The following PPFIA4 variants were observed in gnomAD, a reference collection of about 807,000 sequenced individuals.
PPFIA4 encodes PPFI scaffold protein A4, also known as liprin-alpha-4.
In PPFIA4, 98 loss-of-function variants were observed where a neutral mutation model predicts 145.7. The observed-to-expected ratio is 0.67, with a 90% CI of 0.57 to 0.80. The LOEUF (loss-of-function observed/expected upper bound fraction) is 0.80. Among genes scored for constraint, PPFIA4 ranks in the 30% least tolerant of loss-of-function variants. The pLI, the probability that PPFIA4 is intolerant of heterozygous loss-of-function variation, is 0.00. For missense variants in PPFIA4, 1,457 were observed against 1,632.7 expected (o/e 0.89, Z 1.85); for synonymous variants, 628 against 649.6 (o/e 0.97, Z 0.51).
At chr1:203,049,621 T>G in intron 12 of PPFIA4, 55 bp from the exon 13 acceptor site, 2 of 1,076,146 alleles carry the variant, frequency 1.9e-6, no homozygotes, top group Non-Finnish European at 2.6e-6. Context: ...CCACCCTCCC[T>G]CTCTGCCCCT....
Position 203,033,476 on chromosome 1 carries a change from G to A in PPFIA4, c.-399-5134G>A, listed in dbSNP as rs1019647106. 4.6e-5 allele frequency among the ~76,000 whole-genome samples: 7 copies of A among 152,304 alleles called. No homozygotes were observed. The East Asian group carries it at 1.4e-3, about 29-fold the overall frequency. ...TCATGAACACTTACCGAGTTTTGCT[G>A]GGTGCTGATCTCAGCACTTTGTGTA... On this transcript the variant is annotated intron_variant, in intron 1 of 29. Transcript: ENST00000295706.
chr1:203,044,712 A>G lies in PPFIA4; in HGVS notation c.593A>G (p.Gln198Arg), dbSNP rs773614468. ...GCCCTACAGGTGTCTGCCCTGCAGCAGGGGGCAGGGGTGCGGGATGGAGCG... is the reference window on the plus strand; with the variant it reads ...GCCCTACAGGTGTCTGCCCTGCAGCGGGGGGCAGGGGTGCGGGATGGAGCG... Reference protein sequence around the residue: ...GAHQQVSALQQGAGVRDGAAE... With the variant: ...GAHQQVSALQRGAGVRDGAAE... Residue 198 changes from glutamine to arginine, a missense_variant, in exon 6 of 30, where the codon CAG becomes CGG. Gln to Arg is a conservative substitution (Grantham distance 43). Around this residue, in one of 3 missense-constraint regions of PPFIA4, gnomAD observed 463 missense variants for 459.8 expected, o/e 1.01. Coordinates refer to ENST00000295706, the MANE Select transcript of PPFIA4 (RefSeq NM_001304331.2). 2 of 1,558,068 alleles carry G rather than the reference A, an allele frequency of 1.3e-6. No homozygotes were observed. Among genetic ancestry groups the G allele is most frequent in the Non-Finnish European group, 1.7e-6 (2 of 1,151,242 alleles).
chr1:203,061,722 G>T, intron 24 of PPFIA4, 44 bp downstream of exon 24: 1 of 1,540,886 alleles, frequency 6.5e-7, no homozygotes, highest in South Asian at 1.2e-5. Context: ...CAAAACTTCA[G>T]GACAGTGTTC....
intron 25 of PPFIA4, 144 bp from the exon 26 acceptor site, chr1:203,067,551 G>A (rs1254406327): frequency 7.4e-6 from 5 of 679,306 alleles, no homozygotes; most frequent in Non-Finnish European, 1.3e-5. Context: ...AGGCCCTGGG[G>A]AAGGAGGAGC....
intron 19 of PPFIA4, among the ~76,000 whole-genome samples, chr1:203,058,107 C>T (rs559223785): frequency 4.6e-5 from 7 of 152,222 alleles, no homozygotes; most frequent in Non-Finnish European, 1.0e-4. Context: ...GGGAGGAACT[C>T]ATCAACTAGA....
At chr1:203,050,133 T>A (rs1427935201) in intron 13 of PPFIA4, among the ~76,000 whole-genome samples, 4 of 152,122 alleles carry the variant, frequency 2.6e-5, no homozygotes, top group African/African-American at 9.7e-5. Flanking sequence ...AGCCATTCAC[T>A]CCAGTTCTCT....
chr1:203,041,131 C>T (rs1427314196), intron 2 of PPFIA4, among the ~76,000 whole-genome samples: 3 of 152,188 alleles, frequency 2.0e-5, no homozygotes, highest in Non-Finnish European at 4.4e-5. Flanking sequence ...ATTATGATTT[C>T]ATCGGGTGGT....
chr1:203,055,969 T>C lies in PPFIA4; in HGVS notation c.2071-151T>C. ...CCCTGGCTTGTTTTTCTAGGCCAGC[T>C]TTTTTTTTTTTTTCTGGCGTGATAT... On this transcript the variant is annotated intron_variant, in intron 16 of 29. Coordinates refer to ENST00000295706, the MANE Select transcript of PPFIA4 (RefSeq NM_001304331.2). This position sits in a 1 kb window ranked among gnomAD's most constrained non-coding sequence, Gnocchi z 4.8. 2.3e-5 allele frequency: 4 copies of C among 175,628 alleles called. No homozygotes were observed. Among genetic ancestry groups the C allele is most frequent in the Non-Finnish European group, 2.1e-5 (2 of 97,046 alleles). 10.9% of individuals were successfully genotyped at this position (175,628 alleles called of 1,614,324 possible).
chr1:203,076,011 G>T, intron 29 of PPFIA4: 1 of 586,072 alleles, frequency 1.7e-6, no homozygotes, highest in Non-Finnish European at 2.9e-6. Context: ...CCACGGTTCG[G>T]ACCTACTCCT....
At chr1:203,046,116 G>A (rs1336843840) in intron 8 of PPFIA4, 129 bp downstream of exon 8, 18 of 1,549,508 alleles carry the variant, frequency 1.2e-5, no homozygotes, top group East Asian at 2.3e-5. Flanking sequence ...GAAGTCAGGC[G>A]TCTCGGGCAG....
At chr1:203,067,474 C>G in intron 25 of PPFIA4, 1 of 510,162 alleles carries the variant, frequency 2.0e-6, no homozygotes, top group South Asian at 2.9e-5. Flanking sequence ...CAGGCCCGCT[C>G]CCTGACTGAG....
intron 1 of PPFIA4, among the ~76,000 whole-genome samples, chr1:203,032,631 A>G (rs1241633434): frequency 1.4e-5 from 2 of 139,504 alleles, no homozygotes; most frequent in Admixed American, 1.5e-4. Flanking sequence ...TTTTTTTTTA[A>G]GAGAGGATGT....
chr1:203,056,521 G>A lies in PPFIA4; in HGVS notation c.2240+13G>A, dbSNP rs374395156. 134 of 1,611,884 alleles carry A rather than the reference G, an allele frequency of 8.3e-5. 1 individual carries two copies. Among genetic ancestry groups the A allele is most frequent in the South Asian group, 6.5e-4 (59 of 90,672 alleles). ...AAGAAGGCAAGAGGTAAGTAGAGCA[G>A]ACCCCACCTCCAGTCTCTCCATCCA... On this transcript the variant is annotated intron_variant, in intron 18 of 29. Coordinates refer to ENST00000295706, the MANE Select transcript of PPFIA4 (RefSeq NM_001304331.2).
chr1:203,028,979 A>G (rs1398886651), intron 1 of PPFIA4, among the ~76,000 whole-genome samples: 2 of 151,982 alleles, frequency 1.3e-5, no homozygotes, highest in African/African-American at 4.8e-5. Flanking sequence ...TCCTTGATGT[A>G]CTGTGGAAGG....
At chr1:203,067,440 C>G in intron 25 of PPFIA4, 1 of 443,718 alleles carries the variant, frequency 2.3e-6, no homozygotes, top group Non-Finnish European at 4.1e-6. Flanking sequence ...ATTCAAAGAA[C>G]TTTTTTTCCC....
Position 203,048,297 on chromosome 1 carries a change from A to C in PPFIA4, c.1211A>C (p.Gln404Pro). The C allele has an allele frequency of 6.2e-7, 1 of 1,612,678 alleles. No homozygotes were observed. Among genetic ancestry groups the C allele is most frequent in the Non-Finnish European group, 8.5e-7 (1 of 1,179,820 alleles). Residue 404 changes from glutamine (Q) to proline (P), a missense_variant, in exon 10 of 30, where the codon CAG (glutamine) becomes CCG (proline). Around this residue, in one of 3 missense-constraint regions of PPFIA4, gnomAD observed 848 missense variants for 1,046.7 expected, o/e 0.81. Transcript: ENST00000295706. The surrounding 1 kb of genome is among the most constrained non-coding windows in gnomAD (Gnocchi z 5.8). ...GAGGGACAGCTGGAGGAGAAGAACC[A>C]GGAGCTGGCACGGGTGAGGGCACCA... ...QLEGQLEEKNQELARVRQREK... is the reference protein window; with the variant it reads ...QLEGQLEEKNPELARVRQREK...
intron 1 of PPFIA4, among the ~76,000 whole-genome samples, chr1:203,032,430 T>TTTTTTTTTTTTTTTTTTTG (rs57892403): frequency 2.9e-5 from 4 of 139,440 alleles, no homozygotes; most frequent in Admixed American, 7.4e-5. Context: ...TCCCCGCTTT[T>TTTTTTTTTTTTTTTTTTTG]TTGTTGTTGT....
At chr1:203,051,978 C>T in intron 14 of PPFIA4, 101 bp downstream of exon 14, 3 of 1,296,428 alleles carry the variant, frequency 2.3e-6, no homozygotes, top group Non-Finnish European at 3.2e-6. Context: ...AAATCCTTCC[C>T]CTTCCCTCCC....
chr1:203,039,301 T>G, intron 2 of PPFIA4, 59 bp downstream of exon 2: 1 of 1,275,330 alleles, frequency 7.8e-7, no homozygotes, highest in South Asian at 1.5e-5. Flanking sequence ...CCCTGCTAGA[T>G]CCACTGGGCC....
Sources: gnomAD v4.1 joint callset for allele counts (sites outside exome capture counted in the v4.1 genomes callset) on GRCh38, gnomAD v4.1.1 for gene constraint, gnomAD v4.1.1 regional missense constraint, Gnocchi (gnomAD v3.1) non-coding constraint, MANE v1.5 for transcripts, NCBI Gene and HGNC (gene_info 2026-07-23, HGNC 2026-07-21) for gene names.